RTL4: variants seen among roughly 807,000 people sequenced by gnomAD.
The protein encoded by RTL4 is retrotransposon Gag like 4, also known as retrotransposon Gag-like protein 4.
RTL4 carries 4 observed loss-of-function variants against 5.3 expected under a neutral mutation model. The ratio of observed to expected loss-of-function variants is 0.75; its 90% CI spans 0.37 to 1.72. RTL4 has a LOEUF of 1.72. Among genes scored for constraint, RTL4 ranks in the 40% most tolerant of loss-of-function variants. The pLI is 0.04. For missense variants in RTL4, 260 were observed against 227.1 expected, an observed-to-expected ratio of 1.14 and a Z score of -0.93; for synonymous variants, 98 against 87.3, an observed-to-expected ratio of 1.12 and a Z score of -0.68.
chrX:112,372,220 A>C, the RTL4 span, among the ~76,000 whole-genome samples: 8 of 111,457 alleles, frequency 7.2e-5, no homozygotes, highest in Non-Finnish European at 1.9e-5. Flanking sequence ...TTTAAATTGA[A>C]GTCTACAGCA....
chrX:112,118,824 A>G, the RTL4 span, among the ~76,000 whole-genome samples: 1 of 111,483 alleles, frequency 9.0e-6, no homozygotes, highest in Admixed American at 9.6e-5. Context: ...CAGTTTTCCA[A>G]TTTTTATGAT....
At chrX:112,325,265 C>G in the RTL4 span, among the ~76,000 whole-genome samples, 3 of 111,714 alleles carry the variant, frequency 2.7e-5, no homozygotes, top group South Asian at 1.1e-3. Flanking sequence ...CATCAAGCTA[C>G]CAATGACATT....
the RTL4 span, among the ~76,000 whole-genome samples, chrX:112,101,640 A>G: frequency 9.0e-6 from 1 of 111,452 alleles, no homozygotes; most frequent in Non-Finnish European, 1.9e-5. Context: ...TTTGAAAAGC[A>G]TATTAGAAAT....
chrX:112,091,685 C>T, the RTL4 span, among the ~76,000 whole-genome samples: 5 of 110,978 alleles, frequency 4.5e-5, no homozygotes, highest in Non-Finnish European at 7.6e-5. Flanking sequence ...GCATGTTCCA[C>T]GTGCACTTAA....
chrX:112,262,832 G>A, the RTL4 span, among the ~76,000 whole-genome samples: 1 of 110,710 alleles, frequency 9.0e-6, no homozygotes, highest in Non-Finnish European at 1.9e-5. Flanking sequence ...AAGAAAATGT[G>A]GAACATATAC....
chrX:112,329,820 G>T, the RTL4 span, among the ~76,000 whole-genome samples: 3 of 109,786 alleles, frequency 2.7e-5, no homozygotes, highest in Non-Finnish European at 3.8e-5. Context: ...CAAGATCAAG[G>T]TGGCTTCATC....
the RTL4 span, among the ~76,000 whole-genome samples, chrX:112,186,738 G>T: frequency 8.9e-6 from 1 of 112,006 alleles, no homozygotes; most frequent in East Asian, 2.8e-4. Flanking sequence ...GATATGAGTT[G>T]TGATTGTAGA....
At chrX:112,189,533 C>T in the RTL4 span, among the ~76,000 whole-genome samples, 1 of 110,990 alleles carries the variant, frequency 9.0e-6, no homozygotes, top group African/African-American at 3.3e-5. Context: ...GAGGCCGAGG[C>T]AGGCAGATCA....
At chrX:112,189,544 C>G in the RTL4 span, among the ~76,000 whole-genome samples, 3 of 110,964 alleles carry the variant, frequency 2.7e-5, no homozygotes, top group Non-Finnish European at 5.7e-5. Flanking sequence ...AGGCAGATCA[C>G]CTCAGGTCAG....
chrX:112,313,299 A>G, the RTL4 span, among the ~76,000 whole-genome samples: 1 of 111,371 alleles, frequency 9.0e-6, no homozygotes, highest in African/African-American at 3.3e-5. Context: ...ACAAAACAAA[A>G]CAAAACCTCA....
the RTL4 span, among the ~76,000 whole-genome samples, chrX:112,282,161 G>C: frequency 8.9e-6 from 1 of 112,185 alleles, no homozygotes; most frequent in Non-Finnish European, 1.9e-5. Flanking sequence ...TGATTTTGTA[G>C]ATGGTGTGAG....
the RTL4 span, among the ~76,000 whole-genome samples, chrX:112,224,811 G>C: frequency 9.0e-6 from 1 of 111,480 alleles, no homozygotes; most frequent in South Asian, 3.9e-4. Flanking sequence ...GTTCAATGTT[G>C]CACTCCCTAC....
At chrX:112,350,593 G>A in the RTL4 span, among the ~76,000 whole-genome samples, 2 of 111,432 alleles carry the variant, frequency 1.8e-5, no homozygotes, top group Admixed American at 1.9e-4. Context: ...ATTTAGTCTT[G>A]GGAGGGTGTA....
chrX:112,331,101 G>A, the RTL4 span, among the ~76,000 whole-genome samples: 5 of 95,510 alleles, frequency 5.2e-5, no homozygotes, highest in African/African-American at 1.9e-4. Context: ...GCATGGGCAA[G>A]GACTTCATGT....
At chrX:112,440,331 G>T in the RTL4 span, among the ~76,000 whole-genome samples, 1 of 111,464 alleles carries the variant, frequency 9.0e-6, no homozygotes, top group Admixed American at 9.5e-5. Flanking sequence ...CTCTGGCGCA[G>T]CTCTGCAGGG....
the RTL4 span, among the ~76,000 whole-genome samples, chrX:112,117,084 A>G: frequency 8.2e-4 from 91 of 111,535 alleles, no homozygotes; most frequent in Non-Finnish European, 1.6e-3. Context: ...TACAAAAAGC[A>G]TATGTTAAAA....
At chrX:112,130,244 T>C in the RTL4 span, among the ~76,000 whole-genome samples, 1 of 107,706 alleles carries the variant, frequency 9.3e-6, no homozygotes, top group East Asian at 2.9e-4. Context: ...TTCTTTTCTT[T>C]TCTTTTTTTT....
At chrX:112,230,726 T>C in the RTL4 span, among the ~76,000 whole-genome samples, 772 of 111,677 alleles carry the variant, frequency 6.9e-3, 8 homozygotes, top group African/African-American at 0.024. Flanking sequence ...AATTGACAAA[T>C]GGGATCTAAT....
chrX:112,209,153 G>A, the RTL4 span, among the ~76,000 whole-genome samples: 43 of 112,183 alleles, frequency 3.8e-4, no homozygotes, highest in African/African-American at 1.3e-3. Context: ...GAGGTCATCC[G>A]TTGGTGAGCA....
Sources: gnomAD v4.1 joint callset for allele counts (sites outside exome capture counted in the v4.1 genomes callset) on GRCh38, gnomAD v4.1.1 for gene constraint, MANE v1.5 for transcripts, NCBI Gene and HGNC (gene_info 2026-07-23, HGNC 2026-07-21) for gene names.